PRKCD: variants seen among roughly 807,000 people sequenced by gnomAD.
PRKCD encodes protein kinase C delta, also known as protein kinase C delta type.
Under a neutral mutation model 82.2 loss-of-function variants are expected in PRKCD, and 20 were observed. The ratio of observed to expected loss-of-function variants is 0.24; its 90% CI spans 0.17 to 0.35. The LOEUF is 0.35. Ranked by LOEUF, PRKCD falls within the 10% of genes least tolerant of loss-of-function variation. The pLI is 1.00. For synonymous variants in PRKCD, 317 were observed against 337.0 expected (o/e 0.94, Z 0.65); for missense variants, 607 against 899.0 (o/e 0.68, Z 4.15).
At chr3:53,191,971 C>A in intron 18 of PRKCD, 137 bp from the exon 19 acceptor site, 2 of 830,858 alleles carry the variant, frequency 2.4e-6, no homozygotes, top group Non-Finnish European at 3.7e-6. Flanking sequence ...TCCTTTCAGG[C>A]TGCTAGGGGA....
At chr3:53,163,741 C>A (rs1374984187) in intron 1 of PRKCD, among the ~76,000 whole-genome samples, 1 of 152,170 alleles carries the variant, frequency 6.6e-6, no homozygotes, top group Non-Finnish European at 1.5e-5. Context: ...AAAGCCCAGA[C>A]AGTATCCAAC....
At chr3:53,175,353 G>A (rs1480463701) in intron 2 of PRKCD, among the ~76,000 whole-genome samples, 2 of 152,144 alleles carry the variant, frequency 1.3e-5, no homozygotes, top group Non-Finnish European at 2.9e-5. Context: ...GCCGCAGTGA[G>A]GGGGGTGATA....
chr3:53,176,436 A>G (rs1703215433), intron 2 of PRKCD, among the ~76,000 whole-genome samples: 1 of 152,244 alleles, frequency 6.6e-6, no homozygotes, highest in Non-Finnish European at 1.5e-5. Context: ...TGCTCTGGCC[A>G]CCTTGTGCAG....
intron 2 of PRKCD, among the ~76,000 whole-genome samples, chr3:53,176,477 G>C (rs2107247136): frequency 6.6e-6 from 1 of 152,398 alleles, no homozygotes; most frequent in African/African-American, 2.4e-5. Flanking sequence ...GGGCTGGGCA[G>C]CTGTTGTGTG....
intron 15 of PRKCD, 135 bp downstream of exon 15, chr3:53,187,537 G>A: frequency 9.7e-7 from 1 of 1,026,460 alleles, no homozygotes; most frequent in Non-Finnish European, 1.4e-6. Flanking sequence ...CTGGGTATTT[G>A]CCTATGCCTC....
At chr3:53,183,700 G>T in intron 9 of PRKCD, 119 bp downstream of exon 9, 1 of 1,386,088 alleles carries the variant, frequency 7.2e-7, no homozygotes, top group Non-Finnish European at 9.7e-7. Flanking sequence ...CTCATTCAGG[G>T]ACCTGATGAG....
At chr3:53,167,652 A>G (rs1446458746) in intron 2 of PRKCD, among the ~76,000 whole-genome samples, 1 of 152,262 alleles carries the variant, frequency 6.6e-6, no homozygotes, top group African/African-American at 2.4e-5. Context: ...GTGCATTGTC[A>G]GAGTTGAATG....
In PRKCD at chr3:53,188,739, G is replaced by C; in HGVS notation, c.1435G>C (p.Val479Leu). The change falls in exon 16 of 19, where the codon GTG becomes CTG. Residue 479 changes from valine (V) to leucine (L), a missense_variant. This residue lies in a region of PRKCD where 251 missense variants were observed against 423.9 expected (regional missense o/e 0.59). Transcript: ENST00000330452. Reference sequence around the variant, plus strand: ...CCTTAGGGACCTCAAACTGGACAATGTGCTGCTGGACCGGGATGGCCACAT... The same window carrying C: ...CCTTAGGGACCTCAAACTGGACAATCTGCTGCTGGACCGGGATGGCCACAT... ...IIYRDLKLDNVLLDRDGHIKI... is the reference protein window; with the variant it reads ...IIYRDLKLDNLLLDRDGHIKI... 1 of 1,614,222 alleles carries C rather than the reference G, an allele frequency of 6.2e-7. No homozygotes were observed. The highest frequency in any genetic ancestry group is 1.7e-5 in the Admixed American group (1 of 60,024).
chr3:53,190,657 G>C (rs1301526428), intron 18 of PRKCD, among the ~76,000 whole-genome samples: 1 of 152,166 alleles, frequency 6.6e-6, no homozygotes, highest in African/African-American at 2.4e-5. Context: ...GGCAGGTGGG[G>C]CCACTAAGAA....
chr3:53,171,409 G>C (rs1237993757), intron 2 of PRKCD, among the ~76,000 whole-genome samples: 6 of 152,214 alleles, frequency 3.9e-5, no homozygotes, highest in Non-Finnish European at 8.8e-5. Flanking sequence ...CCTCTGGCAG[G>C]GCAGGCCATT....
intron 12 of PRKCD, 65 bp from the exon 13 acceptor site, chr3:53,186,102 T>C: frequency 1.2e-6 from 2 of 1,607,578 alleles, no homozygotes. Context: ...GAGGTGGGAG[T>C]CTGTGAATCG....
At chr3:53,189,279 G>C (rs782554523) in intron 17 of PRKCD, 33 bp downstream of exon 17, 1 of 1,553,212 alleles carries the variant, frequency 6.4e-7, no homozygotes. Flanking sequence ...GGCTGGTCTG[G>C]GCTGGGCTGG....
chr3:53,188,537 G>C (rs1452148254), intron 15 of PRKCD, among the ~76,000 whole-genome samples, 183 bp from the exon 16 acceptor site: 1 of 152,136 alleles, frequency 6.6e-6, no homozygotes, highest in Admixed American at 6.5e-5. Flanking sequence ...ACACAGTAGG[G>C]GACTTGCAAG....
intron 13 of PRKCD, 45 bp downstream of exon 13, chr3:53,186,385 C>G: frequency 6.2e-7 from 1 of 1,607,630 alleles, no homozygotes. Context: ...ACAGCCATGT[C>G]CCACAGCTCC....
At position 53,192,076 on chromosome 3, in the gene PRKCD, C is replaced by G. The variant is rs1385269466; in HGVS notation, c.1873-32C>G. 23 of 1,612,914 alleles carry G rather than the reference C, an allele frequency of 1.4e-5. No homozygotes were observed. In the Admixed American group the frequency reaches 3.8e-4, roughly 27 times the overall value. On this transcript the variant is annotated intron_variant, in intron 18 of 18. Coordinates refer to ENST00000330452, the MANE Select transcript of PRKCD (RefSeq NM_006254.4). Reference sequence around the variant, plus strand: ...GTGTCTGGAGGGCCATTCCCTAGGTCCTGTTCGCTCACCCCTGCCCTCTGC... The same window carrying G: ...GTGTCTGGAGGGCCATTCCCTAGGTGCTGTTCGCTCACCCCTGCCCTCTGC...
At chr3:53,177,362 C>G (rs1354172524) in intron 2 of PRKCD, among the ~76,000 whole-genome samples, 2 of 152,130 alleles carry the variant, frequency 1.3e-5, no homozygotes, top group Non-Finnish European at 2.9e-5. Flanking sequence ...CACTCGACCC[C>G]AAGGGGTCAA....
chr3:53,183,962 C>T (rs886756227), intron 9 of PRKCD, among the ~76,000 whole-genome samples: 22 of 52,638 alleles, frequency 4.2e-4, no homozygotes, highest in Non-Finnish European at 6.3e-4. Context: ...GGAGGGAAAG[C>T]GGCTTAAGTT....
chr3:53,179,060 C>T (rs933318987), intron 3 of PRKCD, among the ~76,000 whole-genome samples: 18 of 152,344 alleles, frequency 1.2e-4, no homozygotes, highest in African/African-American at 4.1e-4. Context: ...TCCCTCAGGT[C>T]TCGGCTGAAC....
chr3:53,177,693 C>G (rs1703256899), intron 2 of PRKCD, among the ~76,000 whole-genome samples: 1 of 152,112 alleles, frequency 6.6e-6, no homozygotes, highest in Non-Finnish European at 1.5e-5. Flanking sequence ...AGGTACCCAG[C>G]AATAGGGTAC....
Sources: gnomAD v4.1 joint callset for allele counts (sites outside exome capture counted in the v4.1 genomes callset) on GRCh38, gnomAD v4.1.1 for gene constraint, gnomAD v4.1.1 regional missense constraint, MANE v1.5 for transcripts, NCBI Gene and HGNC (gene_info 2026-07-23, HGNC 2026-07-21) for gene names.